PLEKHM1: variants seen among roughly 807,000 people sequenced by gnomAD.
PLEKHM1 encodes the protein pleckstrin homology and RUN domain containing M1, also known as pleckstrin homology domain-containing family M member 1.
Under a neutral mutation model 94.3 loss-of-function variants are expected in PLEKHM1, and 28 were observed. That is an observed-to-expected ratio of 0.30 (90% CI 0.22 to 0.41). The LOEUF (loss-of-function observed/expected upper bound fraction) is 0.41. PLEKHM1 is among the 10% of genes least tolerant of loss of function. The pLI, the probability that PLEKHM1 is intolerant of heterozygous loss-of-function variation, is 1.00. For missense variants in PLEKHM1, 907 were observed against 1,358.6 expected (o/e 0.67, Z 5.22); for synonymous variants, 424 against 581.2 (o/e 0.73, Z 3.89).
At position 45,437,336 on chromosome 17, in the gene PLEKHM1, G is replaced by T; in HGVS notation, c.*522C>A. 1 of 454,160 alleles carries T rather than the reference G, an allele frequency of 2.2e-6. No individual in the cohort carries two copies. Among genetic ancestry groups the T allele is most frequent in the South Asian group, 1.6e-5 (1 of 64,484 alleles). The allele number at this position is 454,160 out of a possible 1,614,324, so 28.1% of individuals were successfully genotyped here. A position where few individuals can be genotyped will look rare whatever the true frequency, so the allele number is the denominator to read the frequency against. ...GCAGTGGCCTGCCCACCAGCCACCC[G>T]CTACCTCTAAGCCAGGCCTGAGTGG... On this transcript the variant is annotated 3_prime_UTR_variant, in exon 12 of 12. Transcript: ENST00000430334. The surrounding 1 kb of genome is among the most constrained non-coding windows in gnomAD (Gnocchi z 4.0).
At chr17:45,480,280 C>G (rs528115968) in intron 2 of PLEKHM1, among the ~76,000 whole-genome samples, 1 of 152,076 alleles carries the variant, frequency 6.6e-6, no homozygotes, top group Non-Finnish European at 1.5e-5. Context: ...GTCAGGAGTT[C>G]GAGACCAGCC....
chr17:45,478,596 A>G (rs2051835857), intron 2 of PLEKHM1, among the ~76,000 whole-genome samples: 1 of 152,214 alleles, frequency 6.6e-6, no homozygotes, highest in African/African-American at 2.4e-5. Context: ...AGAGGCAAAA[A>G]CAAACAAACA....
At chr17:45,463,599 G>T (rs976627156) in intron 5 of PLEKHM1, among the ~76,000 whole-genome samples, 7 of 152,168 alleles carry the variant, frequency 4.6e-5, no homozygotes, top group African/African-American at 1.7e-4. Flanking sequence ...CACCATATTG[G>T]TCAGGCTGGT....
chr17:45,484,065 A>C (rs878957614), intron 1 of PLEKHM1, among the ~76,000 whole-genome samples: 2 of 152,258 alleles, frequency 1.3e-5, no homozygotes, highest in Admixed American at 1.3e-4. Context: ...CATTAACATT[A>C]AAACAGACTC....
intron 5 of PLEKHM1, among the ~76,000 whole-genome samples, chr17:45,461,367 T>A (rs1228734929): frequency 6.6e-6 from 1 of 152,268 alleles, no homozygotes; most frequent in Non-Finnish European, 1.5e-5. Context: ...GTGTGCCCTC[T>A]GGAGCACATA....
At chr17:45,457,311 C>A (rs1227473138) in intron 6 of PLEKHM1, among the ~76,000 whole-genome samples, 2 of 151,890 alleles carry the variant, frequency 1.3e-5, no homozygotes, top group Non-Finnish European at 2.9e-5. Flanking sequence ...GCCTGTAATC[C>A]CAGCACTTTA....
At position 45,453,015 on chromosome 17, in the gene PLEKHM1, T is replaced by C; in HGVS notation, c.2497+340A>G. On this transcript the variant is annotated intron_variant, in intron 7 of 11. Transcript: ENST00000430334. This position sits in a 1 kb window ranked among gnomAD's most constrained non-coding sequence, Gnocchi z 4.1. The stretch of plus-strand genomic sequence containing the variant: ...AGCAGAAATATTTGGAAGGAAACCA[T>C]GCCCCTGCTCTGAAAGAACAGGACG... 1 of 509,296 alleles carries C rather than the reference T, an allele frequency of 2.0e-6. No homozygotes were observed. The highest frequency in any genetic ancestry group is 3.6e-6 in the Non-Finnish European group (1 of 280,574). The allele number at this position is 509,296 out of a possible 1,614,324, so 31.5% of individuals were successfully genotyped here.
At chr17:45,477,782 C>T (rs1392730217) in intron 3 of PLEKHM1, 118 bp downstream of exon 3, 1 of 1,209,004 alleles carries the variant, frequency 8.3e-7, no homozygotes, top group African/African-American at 1.5e-5. Context: ...CTCACCCTCT[C>T]TCTATGCTAG....
intron 5 of PLEKHM1, among the ~76,000 whole-genome samples, chr17:45,464,993 G>A (rs149767413): frequency 0.01 from 1,560 of 152,014 alleles, 29 homozygotes; most frequent in African/African-American, 0.036. Context: ...TATGATTCTG[G>A]GCCAGGTACT....
In PLEKHM1 at chr17:45,468,600, G is replaced by A. The variant is rs1209182961; in HGVS notation, c.924-7C>T. ...GCTGAATTCCAACAATACCCTAGAA[G>A]TTTTAAACAAAGAAACCTGTGTGAC... On this transcript the variant is annotated splice_region_variant and splice_polypyrimidine_tract_variant and intron_variant, in intron 4 of 11. Coordinates refer to ENST00000430334, the MANE Select transcript of PLEKHM1 (RefSeq NM_014798.3). 6.2e-7 allele frequency: 1 copy of A among 1,614,194 alleles called. No homozygotes were observed. Among genetic ancestry groups the A allele is most frequent in the East Asian group, 2.2e-5 (1 of 44,888 alleles).
chr17:45,456,722 A>C (rs1362379649), intron 6 of PLEKHM1, among the ~76,000 whole-genome samples: 1 of 152,254 alleles, frequency 6.6e-6, no homozygotes, highest in Admixed American at 6.5e-5. Flanking sequence ...CTGCTGGGTC[A>C]CTGCAGACAG....
intron 3 of PLEKHM1, among the ~76,000 whole-genome samples, chr17:45,476,536 G>A (rs1468133325): frequency 1.3e-5 from 2 of 152,072 alleles, no homozygotes; most frequent in African/African-American, 2.4e-5. Context: ...AAGGCAACAC[G>A]GGGTAATGGC....
At chr17:45,465,445 A>G (rs1186773067) in intron 5 of PLEKHM1, among the ~76,000 whole-genome samples, 1 of 152,122 alleles carries the variant, frequency 6.6e-6, no homozygotes, top group Non-Finnish European at 1.5e-5. Context: ...ACGGTGGCTC[A>G]TGCCTGTAAT....
intron 6 of PLEKHM1, among the ~76,000 whole-genome samples, chr17:45,455,203 C>G (rs567237748): frequency 2.6e-5 from 4 of 152,300 alleles, no homozygotes; most frequent in African/African-American, 9.6e-5. Context: ...AAGTAGGCTT[C>G]TCTCCCCCCA....
At chr17:45,481,268 G>C (rs1356340633) in intron 2 of PLEKHM1, among the ~76,000 whole-genome samples, 1 of 151,818 alleles carries the variant, frequency 6.6e-6, no homozygotes, top group African/African-American at 2.4e-5. Flanking sequence ...TTATTGTTGA[G>C]TTATAAGTGT....
rs76487603 is a variant in PLEKHM1, at chr17:45,476,362, T to C, written c.297-636A>G. ...ATGAAGATGCAGGGTAAAGACATGGTCCCTGCCCTCAGGCACAAGGGACTG... is the reference window on the plus strand; with the variant it reads ...ATGAAGATGCAGGGTAAAGACATGGCCCCTGCCCTCAGGCACAAGGGACTG... On this transcript the variant is annotated intron_variant, in intron 3 of 11. Coordinates refer to ENST00000430334, the MANE Select transcript of PLEKHM1 (RefSeq NM_014798.3). Among the ~76,000 whole-genome samples, 282 of 151,854 alleles carry C rather than the reference T, an allele frequency of 1.9e-3. 8 individuals are homozygous for C. Among genetic ancestry groups the C allele is most frequent in the Admixed American group, 0.015 (235 of 15,224 alleles).
At chr17:45,452,566 C>T (rs942187661) in intron 7 of PLEKHM1, among the ~76,000 whole-genome samples, 7 of 151,650 alleles carry the variant, frequency 4.6e-5, no homozygotes, top group African/African-American at 1.2e-4. Context: ...ATAATAGTAG[C>T]GCCTATCTCT....
At chr17:45,458,540 G>T (rs1462122202) in intron 5 of PLEKHM1, 101 bp from the exon 6 acceptor site, 18 of 1,163,416 alleles carry the variant, frequency 1.5e-5, no homozygotes, top group Non-Finnish European at 2.1e-5. Flanking sequence ...GCGCAACCTC[G>T]GCTCACTGCA....
chr17:45,439,809 G>T, intron 10 of PLEKHM1, 175 bp from the exon 11 acceptor site: 1 of 842,116 alleles, frequency 1.2e-6, no homozygotes. Flanking sequence ...CCTGAATCAG[G>T]CTGAGCAATG....
Sources: gnomAD v4.1 joint callset for allele counts (sites outside exome capture counted in the v4.1 genomes callset) on GRCh38, gnomAD v4.1.1 for gene constraint, Gnocchi (gnomAD v3.1) non-coding constraint, MANE v1.5 for transcripts, NCBI Gene and HGNC (gene_info 2026-07-23, HGNC 2026-07-21) for gene names.